NTN4: variants seen among roughly 807,000 people sequenced by gnomAD.
The protein encoded by NTN4 is netrin 4.
A neutral mutation model predicts 73.6 loss-of-function variants in NTN4; 32 were observed. The ratio of observed to expected loss-of-function variants is 0.44; its 90% CI spans 0.33 to 0.58. NTN4 has a LOEUF of 0.58. Ranked by LOEUF, NTN4 falls within the 20% of genes least tolerant of loss-of-function variation. The pLI is 0.04. For synonymous variants in NTN4, 258 were observed against 287.5 expected (o/e 0.90, Z 1.04); for missense variants, 654 against 798.3 (o/e 0.82, Z 2.18).
intron 2 of NTN4, among the ~76,000 whole-genome samples, chr12:95,741,427 T>TTA (rs1174318245): frequency 0.032 from 1,606 of 50,870 alleles, 69 homozygotes; most frequent in East Asian, 0.051. Context: ...TATGTATAAA[T>TTA]TATATATATA....
intron 3 of NTN4, among the ~76,000 whole-genome samples, chr12:95,737,273 A>G (rs998358156): frequency 2.0e-5 from 3 of 152,170 alleles, no homozygotes; most frequent in Non-Finnish European, 4.4e-5. Context: ...GGTCCTGAGG[A>G]TACAAAGATC....
intron 2 of NTN4, among the ~76,000 whole-genome samples, chr12:95,786,016 C>G (rs1030280714): frequency 6.6e-6 from 1 of 152,114 alleles, no homozygotes; most frequent in African/African-American, 2.4e-5. Context: ...AAAATGTCTC[C>G]AGATATTTCC....
rs758891542 is a variant in NTN4, at chr12:95,729,632, A to AGTGTGTGT, written c.864+8226_864+8233dup. On this transcript the variant is annotated intron_variant, in intron 3 of 9. Transcript: ENST00000343702. ...ATTATAAAGAGAGAGAGAGAGAGAGAGTGTGTGTGTGTGTGTGTGTGTGTG... is the reference window on the plus strand; with the variant it reads ...ATTATAAAGAGAGAGAGAGAGAGAGAGTGTGTGTGTGTGTGTGTGTGTGTGTGTGTGTG... 2.4e-4 allele frequency among the ~76,000 whole-genome samples: 30 copies of AGTGTGTGT among 124,166 alleles called. No homozygotes were observed. The East Asian group carries it at 2.7e-3, about 11-fold the overall frequency. 81.5% of individuals were successfully genotyped at this position (124,166 alleles called of 152,430 possible).
chr12:95,689,251 C>G (rs190879679), intron 5 of NTN4, among the ~76,000 whole-genome samples: 43 of 152,290 alleles, frequency 2.8e-4, no homozygotes, highest in African/African-American at 9.6e-4. Flanking sequence ...AATAATAATT[C>G]TAATGTTTAT....
chr12:95,777,173 G>T (rs1395556028), intron 2 of NTN4, among the ~76,000 whole-genome samples: 2 of 152,140 alleles, frequency 1.3e-5, no homozygotes, highest in Non-Finnish European at 2.9e-5. Context: ...ACTAAACATG[G>T]AAAGGAACAA....
chr12:95,714,152 G>T (rs1592680898), intron 3 of NTN4, among the ~76,000 whole-genome samples: 1 of 151,928 alleles, frequency 6.6e-6, no homozygotes, highest in Admixed American at 6.6e-5. Context: ...TACTTCAGTA[G>T]AATTCTTAGA....
rs79094644 is a variant in NTN4, at chr12:95,766,341, A to C, written c.585+20598T>G. On this transcript the variant is annotated intron_variant, in intron 2 of 9. Transcript: ENST00000343702. ...TAAGTCATAATCTATATTGACAGTT[A>C]AATGGGATATTCAAAGGTCTTGACC... is the stretch of plus-strand genomic sequence containing the variant. Among the ~76,000 whole-genome samples, 221 of 152,342 alleles carry C rather than the reference A, an allele frequency of 1.5e-3. 1 individual carries two copies. The highest frequency in any genetic ancestry group is 5.2e-3 in the African/African-American group (217 of 41,570).
Position 95,691,114 on chromosome 12 carries a change from C to T in NTN4, c.1181-7403G>A, listed in dbSNP as rs1000079648. Among the ~76,000 whole-genome samples the T allele has an allele frequency of 5.3e-5, 8 of 152,360 alleles. No homozygotes were observed. The South Asian group carries it at 8.3e-4, about 16-fold the overall frequency. On this transcript the variant is annotated intron_variant, in intron 5 of 9. Transcript: ENST00000343702. ...TGGCATACTTTTTCAAGACTCACACCGAGGTCTGCCTTGCATACTTATCTC... is the reference window on the plus strand; with the variant it reads ...TGGCATACTTTTTCAAGACTCACACTGAGGTCTGCCTTGCATACTTATCTC...
chr12:95,758,895 T>G (rs1241607059), intron 2 of NTN4, among the ~76,000 whole-genome samples: 1 of 152,234 alleles, frequency 6.6e-6, no homozygotes, highest in East Asian at 1.9e-4. Flanking sequence ...CCAGTATTTC[T>G]CTTTTACAGT....
intron 5 of NTN4, among the ~76,000 whole-genome samples, chr12:95,693,831 T>C (rs774972417): frequency 6.6e-6 from 1 of 151,640 alleles, no homozygotes; most frequent in Non-Finnish European, 1.5e-5. Context: ...TGATCTATGG[T>C]CCTGCTGCCC....
At chr12:95,737,170 G>C (rs1221390855) in intron 3 of NTN4, among the ~76,000 whole-genome samples, 1 of 152,104 alleles carries the variant, frequency 6.6e-6, no homozygotes, top group Non-Finnish European at 1.5e-5. Context: ...GATAAACAAT[G>C]ACACTAATTT....
rs117020899 is a variant in NTN4, at chr12:95,720,945, A to G, written c.865-7607T>C. On this transcript the variant is annotated intron_variant, in intron 3 of 9. Coordinates refer to ENST00000343702, the MANE Select transcript of NTN4 (RefSeq NM_021229.4). ...ATTCCTTTACACGAAAACCCCATACAGTAGGTATAACTATTATTGCCCAGT... is the reference window on the plus strand; with the variant it reads ...ATTCCTTTACACGAAAACCCCATACGGTAGGTATAACTATTATTGCCCAGT... Among the ~76,000 whole-genome samples the G allele has an allele frequency of 1.5e-3, 230 of 152,330 alleles. 8 individuals are homozygous for G. In the East Asian group the frequency reaches 0.041, roughly 27 times the overall value.
At chr12:95,786,831 A>T in intron 2 of NTN4, 108 bp downstream of exon 2, 1 of 837,626 alleles carries the variant, frequency 1.2e-6, no homozygotes, top group Non-Finnish European at 1.9e-6. Context: ...GAAAAATTCT[A>T]ATTTCATTCA....
intron 7 of NTN4, among the ~76,000 whole-genome samples, chr12:95,680,609 C>T (rs988971038): frequency 6.6e-5 from 10 of 152,082 alleles, no homozygotes; most frequent in Admixed American, 1.3e-4. Context: ...GGCAAACAAA[C>T]GAGAGAATAA....
intron 2 of NTN4, among the ~76,000 whole-genome samples, chr12:95,771,565 A>G (rs1565915482): frequency 2.0e-5 from 3 of 152,196 alleles, no homozygotes; most frequent in Admixed American, 6.5e-5. Flanking sequence ...CATAACATTA[A>G]GCAGAAAAAT....
At chr12:95,692,424 T>G (rs770879978) in intron 5 of NTN4, among the ~76,000 whole-genome samples, 1 of 152,172 alleles carries the variant, frequency 6.6e-6, no homozygotes, top group Non-Finnish European at 1.5e-5. Context: ...AGGAAATGAG[T>G]ACTTTACAAA....
At chr12:95,684,766 A>G (rs2078348640) in intron 5 of NTN4, among the ~76,000 whole-genome samples, 1 of 152,222 alleles carries the variant, frequency 6.6e-6, no homozygotes, top group Non-Finnish European at 1.5e-5. Flanking sequence ...GTATACATAC[A>G]TATATACACT....
intron 7 of NTN4, among the ~76,000 whole-genome samples, chr12:95,675,691 A>G (rs774463508): frequency 1.6e-4 from 24 of 152,224 alleles, no homozygotes; most frequent in Non-Finnish European, 2.6e-4. Flanking sequence ...AAATGTAAAG[A>G]AAGAAAAGAA....
chr12:95,763,809 C>A (rs945487702), intron 2 of NTN4, among the ~76,000 whole-genome samples: 1 of 152,176 alleles, frequency 6.6e-6, no homozygotes, highest in African/African-American at 2.4e-5. Context: ...ACTTTCAACA[C>A]AGCTGTTGGG....
Sources: allele counts gnomAD v4.1 joint callset (sites outside exome capture counted in the v4.1 genomes callset), GRCh38; gene constraint gnomAD v4.1.1; transcripts MANE v1.5; gene names NCBI Gene and HGNC (gene_info 2026-07-23, HGNC 2026-07-21).